The following ZFHX4 variants were observed in gnomAD, a reference collection of about 807,000 sequenced individuals.
ZFHX4 encodes the protein zinc finger homeobox protein 4.
Under a neutral mutation model 267.6 loss-of-function variants are expected in ZFHX4, and 56 were observed. The observed-to-expected ratio is 0.21, with a 90% CI of 0.17 to 0.26. ZFHX4 has a LOEUF of 0.26. ZFHX4 is among the 10% of genes least tolerant of loss of function. The probability of loss-of-function intolerance (pLI) is 1.00; values close to 1 mark genes in which losing one functional copy is unlikely to be tolerated. For synonymous variants in ZFHX4, 1,778 were observed against 1,665.6 expected (o/e 1.07, Z -1.64); for missense variants, 4,332 against 4,420.0 (o/e 0.98, Z 0.56).
intron 1 of ZFHX4, among the ~76,000 whole-genome samples, chr8:76,690,245 A>G (rs1807790369): frequency 1.3e-5 from 2 of 152,118 alleles, no homozygotes; most frequent in Admixed American, 1.3e-4. Context: ...GGGAAAATTG[A>G]CTTTCAGGTT....
chr8:76,688,219 A>G (rs928556420), intron 1 of ZFHX4, among the ~76,000 whole-genome samples: 1 of 152,170 alleles, frequency 6.6e-6, no homozygotes, highest in African/African-American at 2.4e-5. Flanking sequence ...AGCCAATAGT[A>G]TGGTGTGGAT....
At chr8:76,695,501 C>T (rs1365984287) in intron 1 of ZFHX4, among the ~76,000 whole-genome samples, 3 of 152,120 alleles carry the variant, frequency 2.0e-5, no homozygotes, top group East Asian at 1.9e-4. Flanking sequence ...GTAATTATGA[C>T]GAAATACTTG....
intron 3 of ZFHX4, among the ~76,000 whole-genome samples, chr8:76,774,063 A>G (rs900518684): frequency 6.6e-6 from 1 of 152,104 alleles, no homozygotes; most frequent in Non-Finnish European, 1.5e-5. Context: ...CTCTAGTCCA[A>G]ATTCTGGACC....
chr8:76,822,450 C>CTGTTT (rs1418711368), intron 4 of ZFHX4, among the ~76,000 whole-genome samples: 4 of 137,460 alleles, frequency 2.9e-5, no homozygotes, highest in Admixed American at 7.4e-5. Flanking sequence ...CTGTGTCTAC[C>CTGTTT]TCTTTTTTTT....
rs1812575112 is a variant in ZFHX4 at position 76,852,834 on chromosome 8, A to T, written c.5913A>T (p.Gln1971His). The change falls in exon 10 of 11, where the codon CAA becomes CAT. Residue 1971 changes from glutamine (Q) to histidine (H), a missense_variant. Around this residue, in one of 7 missense-constraint regions of ZFHX4, gnomAD observed 1,371 missense variants for 1,423.1 expected, o/e 0.96. Transcript: ENST00000651372. ...GTCACCAAGAACATGTACATGGGCA[A>T]TTTTTTCCATATGCAGCGCTAGAAA... Reference protein sequence around the residue: ...LKSHQEHVHGQFFPYAALEKF... With the variant: ...LKSHQEHVHGHFFPYAALEKF... The T allele has an allele frequency of 1.9e-6, 3 of 1,613,662 alleles. No homozygotes were observed. The South Asian group carries it at 3.3e-5, about 18-fold the overall frequency.
chr8:76,707,655 G>A lies in ZFHX4; in HGVS notation c.2700G>A (p.Ala900=), dbSNP rs1808313453. The A allele has an allele frequency of 3.1e-6, 5 of 1,613,822 alleles. No homozygotes were observed. Among genetic ancestry groups the A allele is most frequent in the Middle Eastern group, 1.6e-4 (1 of 6,062 alleles). The change falls in exon 3 of 11, where the codon GCG becomes GCA. Residue 900 remains alanine, a synonymous_variant. Coordinates refer to ENST00000651372, the MANE Select transcript of ZFHX4 (RefSeq NM_024721.5). The part of the protein sequence containing the change: ...GELSPYISDP[A]LKLFQCAVCN... ...TGTCACCTTATATCAGTGACCCAGC[G>A]CTGAAGCTATTCCAGTGTGCTGTTT...
chr8:76,781,844 G>A (rs1810555361), intron 4 of ZFHX4, among the ~76,000 whole-genome samples: 1 of 151,994 alleles, frequency 6.6e-6, no homozygotes, highest in Non-Finnish European at 1.5e-5. Flanking sequence ...AAAGTTTCAG[G>A]TGGATACAAG....
chr8:76,846,915 A>G (rs981132886), intron 6 of ZFHX4, among the ~76,000 whole-genome samples: 1 of 152,156 alleles, frequency 6.6e-6, no homozygotes, highest in Non-Finnish European at 1.5e-5. Flanking sequence ...CCTTGATGGC[A>G]CAGGGACCTG....
In ZFHX4 at chr8:76,705,054, A is replaced by G; in HGVS notation, c.966A>G (p.Ile322Met). ...LLSNKCVSAIIQGIGKDKEPL... is the reference protein window; with the variant it reads ...LLSNKCVSAIMQGIGKDKEPL... ...GTAATAAATGCGTCTCCGCCATAAT[A>G]CAGGGGATTGGCAAAGACAAAGAAC... Residue 322 changes from isoleucine to methionine, a missense_variant, in exon 2 of 11, where the codon ATA becomes ATG. Transcript: ENST00000651372. The G allele has an allele frequency of 6.2e-7, 1 of 1,613,986 alleles. No individual in the cohort carries two copies. Among genetic ancestry groups the G allele is most frequent in the Non-Finnish European group, 8.5e-7 (1 of 1,179,882 alleles).
At chr8:76,749,371 G>T (rs1809555372) in intron 3 of ZFHX4, among the ~76,000 whole-genome samples, 1 of 152,128 alleles carries the variant, frequency 6.6e-6, no homozygotes, top group African/African-American at 2.4e-5. Context: ...ACTGTTTCAT[G>T]CAGGACCAAG....
intron 5 of ZFHX4, among the ~76,000 whole-genome samples, chr8:76,837,823 G>A (rs1812131798): frequency 6.6e-6 from 1 of 152,080 alleles, no homozygotes; most frequent in Non-Finnish European, 1.5e-5. Context: ...TACAGGTGGG[G>A]GGAAAATAGC....
At chr8:76,785,666 G>A (rs1335273633) in intron 4 of ZFHX4, among the ~76,000 whole-genome samples, 1 of 152,018 alleles carries the variant, frequency 6.6e-6, no homozygotes, top group East Asian at 1.9e-4. Flanking sequence ...ATACTTGACG[G>A]CAGCTATTAT....
At chr8:76,806,541 A>G (rs978543187) in intron 4 of ZFHX4, among the ~76,000 whole-genome samples, 5 of 152,136 alleles carry the variant, frequency 3.3e-5, no homozygotes, top group African/African-American at 9.7e-5. Flanking sequence ...CAGAGCCAAT[A>G]CATTAGTTAG....
chr8:76,734,745 T>C (rs1435070995), intron 3 of ZFHX4, among the ~76,000 whole-genome samples: 1 of 152,152 alleles, frequency 6.6e-6, no homozygotes, highest in South Asian at 2.1e-4. Flanking sequence ...TTCTCAAATA[T>C]ATGTTTACAG....
At chr8:76,807,927 T>C (rs914947258) in intron 4 of ZFHX4, among the ~76,000 whole-genome samples, 9 of 152,176 alleles carry the variant, frequency 5.9e-5, no homozygotes, top group Non-Finnish European at 1.3e-4. Context: ...ATTAGTTTTA[T>C]TCTTCATGAA....
chr8:76,805,857 GA>G (rs562803414), intron 4 of ZFHX4, among the ~76,000 whole-genome samples: 15 of 149,254 alleles, frequency 1.0e-4, no homozygotes, highest in Admixed American at 3.3e-4. Flanking sequence ...GCCTTTAGGG[GA>G]AAAAAAAAGG....
At chr8:76,807,943 T>C (rs1811284573) in intron 4 of ZFHX4, among the ~76,000 whole-genome samples, 1 of 152,124 alleles carries the variant, frequency 6.6e-6, no homozygotes, top group South Asian at 2.1e-4. Flanking sequence ...ATGAAAACCC[T>C]GATAAAAATA....
intron 10 of ZFHX4, among the ~76,000 whole-genome samples, chr8:76,857,640 T>C (rs1026958714): frequency 3.9e-5 from 6 of 152,034 alleles, no homozygotes; most frequent in Non-Finnish European, 7.4e-5. Context: ...GAACTATACA[T>C]ATAAAGAATG....
Position 76,854,541 on chromosome 8 carries a change from T to G in ZFHX4, c.7620T>G (p.Phe2540Leu). 2 of 1,613,872 alleles carry G rather than the reference T, an allele frequency of 1.2e-6. No individual in the cohort carries two copies. The highest frequency in any genetic ancestry group is 1.7e-6 in the Non-Finnish European group (2 of 1,179,860). Reference protein sequence around the residue: ...ERPMDMPYMIFDPNNPLMTGQ... With the variant: ...ERPMDMPYMILDPNNPLMTGQ... ...CCATGGACATGCCCTACATGATATT[T>G]GACCCCAACAATCCGCTGATGACTG... The change falls in exon 10 of 11, where the codon TTT (phenylalanine) becomes TTG (leucine). Residue 2540 changes from phenylalanine (F) to leucine (L), a missense_variant. Transcript: ENST00000651372.
Sources: gnomAD v4.1 joint callset for allele counts (sites outside exome capture counted in the v4.1 genomes callset) on GRCh38, gnomAD v4.1.1 for gene constraint, gnomAD v4.1.1 regional missense constraint, MANE v1.5 for transcripts, NCBI Gene and HGNC (gene_info 2026-07-23, HGNC 2026-07-21) for gene names.